Variants in CLASP1 observed in about 807,000 individuals in gnomAD.
The protein encoded by CLASP1 is CLIP-associating protein 1.
CLASP1 carries 38 observed loss-of-function variants against 192.3 expected under a neutral mutation model. That is an observed-to-expected ratio of 0.20 (90% CI 0.15 to 0.26). The LOEUF is 0.26. Ranked by LOEUF, CLASP1 falls within the 10% of genes least tolerant of loss-of-function variation. The probability of loss-of-function intolerance (pLI) is 1.00; values close to 1 mark genes in which losing one functional copy is unlikely to be tolerated. For missense variants in CLASP1, 1,433 were observed against 1,932.5 expected (o/e 0.74, Z 4.85); for synonymous variants, 691 against 712.8 (o/e 0.97, Z 0.49).
rs543891782 is a variant in CLASP1 at position 121,530,894 on chromosome 2, T to C, written c.196-569A>G. ...CTTTCTATTATAACCATCCTTTTCT[T>C]GGGGTTGCGCTACTGTCCAATGAGC... is the stretch of plus-strand genomic sequence containing the variant. On this transcript the variant is annotated intron_variant, in intron 2 of 39. Coordinates refer to ENST00000263710, the Ensembl canonical transcript of CLASP1. 92 of 694,142 alleles carry C rather than the reference T, an allele frequency of 1.3e-4. No individual in the cohort carries two copies. The highest frequency in any genetic ancestry group is 1.9e-4 in the Non-Finnish European group (72 of 379,850). 43.0% of individuals were successfully genotyped at this position (694,142 alleles called of 1,614,324 possible). A position where few individuals can be genotyped will look rare whatever the true frequency, so the allele number is the denominator to read the frequency against.
chr2:121,368,070 A>G (rs549292052), intron 34 of CLASP1, among the ~76,000 whole-genome samples: 1 of 152,306 alleles, frequency 6.6e-6, no homozygotes, highest in East Asian at 1.9e-4. Flanking sequence ...TTTACTTTGT[A>G]ATTTGATGAT....
chr2:121,404,566 A>C, intron 25 of CLASP1, 132 bp from the exon 27 acceptor site: 67 of 810,916 alleles, frequency 8.3e-5, no homozygotes, highest in East Asian at 1.1e-4. Flanking sequence ...TCCCAAGCTC[A>C]AGTGATCCTC....
chr2:121,579,094 G>A (rs1366105545), intron 2 of CLASP1, among the ~76,000 whole-genome samples: 1 of 152,094 alleles, frequency 6.6e-6, no homozygotes, highest in Admixed American at 6.5e-5. Flanking sequence ...CATGTCCTTA[G>A]ACCGTCACAT....
chr2:121,423,937 C>T (rs1320422028), intron 22 of CLASP1, among the ~76,000 whole-genome samples: 2 of 152,166 alleles, frequency 1.3e-5, no homozygotes, highest in Non-Finnish European at 2.9e-5. Context: ...AGTCTCTGCC[C>T]CCAACTCCCA....
intron 2 of CLASP1, chr2:121,530,946 C>A (rs564978047): frequency 1.4e-6 from 1 of 700,280 alleles, no homozygotes; most frequent in African/African-American, 1.7e-5. Flanking sequence ...ACTGCTAACG[C>A]CTGAACAACA....
chr2:121,365,344 C>T, intron 35 of CLASP1, 60 bp from the exon 37 acceptor site: 1 of 1,462,736 alleles, frequency 6.8e-7, no homozygotes, highest in Non-Finnish European at 9.4e-7. Flanking sequence ...CAGGGGCTTG[C>T]TCAGTGGTGC....
At chr2:121,444,066 A>G (rs2083863859) in intron 19 of CLASP1, among the ~76,000 whole-genome samples, 1 of 152,194 alleles carries the variant, frequency 6.6e-6, no homozygotes, top group South Asian at 2.1e-4. Flanking sequence ...GGTTCCTCTA[A>G]ATTTCAATTA....
At chr2:121,403,629 AGTCT>A in intron 26 of CLASP1, 1 of 429,792 alleles carries the variant, frequency 2.3e-6, no homozygotes, top group South Asian at 1.7e-5. Context: ...AGCATCTAAT[AGTCT>A]CTAAGGGCCT....
At chr2:121,424,644 C>T (rs1199624680) in intron 22 of CLASP1, among the ~76,000 whole-genome samples, 2 of 152,148 alleles carry the variant, frequency 1.3e-5, no homozygotes, top group East Asian at 1.9e-4. Flanking sequence ...TTAATCAATT[C>T]CTAGCTTTCA....
chr2:121,531,012 A>G (rs974264897), intron 2 of CLASP1: 22 of 700,102 alleles, frequency 3.1e-5, no homozygotes, highest in African/African-American at 5.2e-5. Flanking sequence ...GGAAAAATGA[A>G]AACCTGTTTT....
chr2:121,485,685 A>G (rs1404038724), intron 8 of CLASP1, among the ~76,000 whole-genome samples: 2 of 152,142 alleles, frequency 1.3e-5, no homozygotes, highest in African/African-American at 4.8e-5. Flanking sequence ...CCAACACAGT[A>G]AAACCCTGTC....
At chr2:121,540,279 A>T (rs1575808344) in intron 2 of CLASP1, among the ~76,000 whole-genome samples, 1 of 152,234 alleles carries the variant, frequency 6.6e-6, no homozygotes, top group South Asian at 2.1e-4. Context: ...AGTTACACTC[A>T]GCAATACAAA....
exon 40 of CLASP1, chr2:121,340,932 A>C: frequency 6.2e-7 from 1 of 1,606,640 alleles, no homozygotes; most frequent in Non-Finnish European, 8.5e-7. Flanking sequence ...TTTATGTATA[A>C]GTTTAGTAGC....
chr2:121,492,205 C>G (rs188007130), intron 8 of CLASP1, among the ~76,000 whole-genome samples: 1 of 151,752 alleles, frequency 6.6e-6, no homozygotes, highest in African/African-American at 2.4e-5. Context: ...CTGGATAATA[C>G]GGTGAAATCC....
At chr2:121,429,305 G>A (rs1371341338) in intron 20 of CLASP1, among the ~76,000 whole-genome samples, 2 of 152,174 alleles carry the variant, frequency 1.3e-5, no homozygotes, top group Non-Finnish European at 2.9e-5. Context: ...CTGTGGGACC[G>A]CATGCAGCTC....
At chr2:121,350,030 A>G (rs1197996282) in intron 37 of CLASP1, among the ~76,000 whole-genome samples, 3 of 152,250 alleles carry the variant, frequency 2.0e-5, no homozygotes, top group African/African-American at 7.2e-5. Flanking sequence ...AATGGCACAG[A>G]GTACACATTA....
intron 34 of CLASP1, 106 bp from the exon 36 acceptor site, chr2:121,367,937 A>G: frequency 1.4e-6 from 2 of 1,438,996 alleles, no homozygotes; most frequent in East Asian, 2.3e-5. Context: ...TGAAATATGT[A>G]TGGCCAGTGA....
chr2:121,551,507 G>C (rs1275903445), intron 2 of CLASP1, among the ~76,000 whole-genome samples: 1 of 152,114 alleles, frequency 6.6e-6, no homozygotes, highest in Non-Finnish European at 1.5e-5. Flanking sequence ...AAAGTTTCTG[G>C]ATACAAAATC....
intron 1 of CLASP1, among the ~76,000 whole-genome samples, chr2:121,645,687 G>C (rs1197611808): frequency 6.6e-6 from 1 of 152,192 alleles, no homozygotes; most frequent in Non-Finnish European, 1.5e-5. Context: ...ACAACAGGAA[G>C]CAGCAAGGAG....
Sources: allele counts gnomAD v4.1 joint callset (sites outside exome capture counted in the v4.1 genomes callset), GRCh38; gene constraint gnomAD v4.1.1; transcripts MANE v1.5; gene names NCBI Gene and HGNC (gene_info 2026-07-23, HGNC 2026-07-21).